Variants in RFX8 observed in about 807,000 individuals in gnomAD.
The protein encoded by RFX8 is DNA-binding protein RFX8.
A neutral mutation model predicts 54.6 loss-of-function variants in RFX8; 46 were observed. The observed-to-expected ratio is 0.84, with a 90% CI of 0.67 to 1.08. The LOEUF is 1.08. Among genes scored for constraint, RFX8 ranks in the 50% least tolerant of loss-of-function variants. The pLI is 0.00. For synonymous variants in RFX8, 192 were observed against 209.5 expected, an observed-to-expected ratio of 0.92 and a Z score of 0.72; for missense variants, 536 against 562.3, an observed-to-expected ratio of 0.95 and a Z score of 0.47.
At chr2:101,414,066 C>T (rs561280986) in intron 7 of RFX8, among the ~76,000 whole-genome samples, 6 of 152,136 alleles carry the variant, frequency 3.9e-5, no homozygotes, top group Admixed American at 2.0e-4. Flanking sequence ...TTTCTTCAGC[C>T]CTTCTCAACC....
At chr2:101,427,133 C>T (rs1687220488) in intron 2 of RFX8, among the ~76,000 whole-genome samples, 2 of 152,140 alleles carry the variant, frequency 1.3e-5, no homozygotes, top group Non-Finnish European at 2.9e-5. Flanking sequence ...CCAGTGACCC[C>T]TTCCAGGACT....
chr2:101,454,579 G>T (rs888196307), intron 2 of RFX8, among the ~76,000 whole-genome samples: 3 of 152,128 alleles, frequency 2.0e-5, no homozygotes, highest in Non-Finnish European at 4.4e-5. Context: ...ACTTTTTAAT[G>T]ATCGTTATTC....
At chr2:101,474,434 G>C in intron 1 of RFX8, 1 of 366,278 alleles carries the variant, frequency 2.7e-6, no homozygotes, top group Non-Finnish European at 4.9e-6. Flanking sequence ...CAGTCCTCCA[G>C]GCCCGAGCCC....
chr2:101,430,909 G>T (rs1174188428), intron 2 of RFX8, among the ~76,000 whole-genome samples: 4 of 152,132 alleles, frequency 2.6e-5, no homozygotes, highest in Non-Finnish European at 5.9e-5. Context: ...TCACAGAAAA[G>T]AAATTTAATC....
At chr2:101,450,534 G>C (rs948553823) in intron 2 of RFX8, 7 of 838,318 alleles carry the variant, frequency 8.4e-6, no homozygotes, top group Non-Finnish European at 1.9e-6. Flanking sequence ...GGCCTGAATG[G>C]TTCTAACATT....
At chr2:101,462,984 T>A (rs6705707) in intron 2 of RFX8, among the ~76,000 whole-genome samples, 52,506 of 152,080 alleles carry the variant, frequency 0.35, 9,739 homozygotes, top group African/African-American at 0.44. Flanking sequence ...GCAGTACTCA[T>A]GGCCCAAAGA....
chr2:101,459,461 C>G lies in RFX8; in HGVS notation c.72+7316G>C, dbSNP rs539085913. Among the ~76,000 whole-genome samples the G allele has an allele frequency of 4.6e-5, 7 of 152,330 alleles. No homozygotes were observed. The South Asian group carries it at 1.5e-3, about 32-fold the overall frequency. On this transcript the variant is annotated intron_variant, in intron 2 of 11. Coordinates refer to ENST00000428343, the MANE Select transcript of RFX8 (RefSeq NM_001145664.2). ...TTCTGTTTGTTAGTTTTCCTTCTAA[C>G]AGTCAGGCCCCTCAGCTGCAGGTCT...
At chr2:101,403,954 T>C (rs1013497383) in intron 10 of RFX8, among the ~76,000 whole-genome samples, 1 of 152,144 alleles carries the variant, frequency 6.6e-6, no homozygotes, top group Non-Finnish European at 1.5e-5. Context: ...CAGTGACAAA[T>C]AGATGCAAAA....
At chr2:101,416,555 TGTG>T (rs1686523121) in intron 6 of RFX8, among the ~76,000 whole-genome samples, 1 of 152,052 alleles carries the variant, frequency 6.6e-6, no homozygotes, top group South Asian at 2.1e-4. Context: ...CTCATAGAAA[TGTG>T]GGGAAATAAC....
rs192485602 is a variant in RFX8, at chr2:101,471,856, T to C, written c.-53+2780A>G. Among the ~76,000 whole-genome samples the C allele has an allele frequency of 2.4e-4, 37 of 152,350 alleles. No homozygotes were observed. The East Asian group carries it at 6.8e-3, about 28-fold the overall frequency. Reference sequence around the variant, plus strand: ...GTTGGGGTCCTAACAAGCGACTGATTAGAAGACAAAACAATGAAGTAATGT... The same window carrying C: ...GTTGGGGTCCTAACAAGCGACTGATCAGAAGACAAAACAATGAAGTAATGT... On this transcript the variant is annotated intron_variant, in intron 1 of 11. Coordinates refer to ENST00000428343, the MANE Select transcript of RFX8 (RefSeq NM_001145664.2).
At chr2:101,448,293 G>T (rs1459767136) in intron 2 of RFX8, among the ~76,000 whole-genome samples, 1 of 152,172 alleles carries the variant, frequency 6.6e-6, no homozygotes, top group Non-Finnish European at 1.5e-5. Context: ...CCACTGCCCA[G>T]CCTGGTAATC....
At chr2:101,441,714 T>G (rs192012361) in intron 2 of RFX8, among the ~76,000 whole-genome samples, 2 of 152,232 alleles carry the variant, frequency 1.3e-5, no homozygotes. Context: ...ACATAGCCAC[T>G]CCTGCTATCT....
chr2:101,453,053 A>C (rs1177177672), intron 2 of RFX8, among the ~76,000 whole-genome samples: 1 of 91,010 alleles, frequency 1.1e-5, no homozygotes, highest in Admixed American at 1.0e-4. Context: ...TGGAGGTTGC[A>C]GTGAGCCGAG....
At chr2:101,449,266 A>C (rs1266827861) in intron 2 of RFX8, among the ~76,000 whole-genome samples, 1 of 152,204 alleles carries the variant, frequency 6.6e-6, no homozygotes, top group Admixed American at 6.5e-5. Context: ...GGTAAGAACA[A>C]GCACTCACGT....
intron 2 of RFX8, among the ~76,000 whole-genome samples, chr2:101,451,530 A>T (rs1688678564): frequency 6.6e-6 from 1 of 151,968 alleles, no homozygotes; most frequent in Non-Finnish European, 1.5e-5. Context: ...TCTACTAAAA[A>T]TACAAAAAAT....
chr2:101,436,658 G>C (rs1305836791), intron 2 of RFX8, among the ~76,000 whole-genome samples: 1 of 152,144 alleles, frequency 6.6e-6, no homozygotes, highest in East Asian at 1.9e-4. Flanking sequence ...ACTCATCATA[G>C]GTTTGCTAGA....
chr2:101,416,417 G>A (rs983743561), intron 6 of RFX8, among the ~76,000 whole-genome samples: 1 of 152,184 alleles, frequency 6.6e-6, no homozygotes, highest in African/African-American at 2.4e-5. Context: ...GGTACCCAGT[G>A]TTAGTAGTGA....
Position 101,406,050 on chromosome 2 carries a change from C to T in RFX8, c.821G>A (p.Arg274Lys). The T allele has an allele frequency of 2.6e-6, 4 of 1,537,156 alleles. No homozygotes were observed. Among genetic ancestry groups the T allele is most frequent in the Non-Finnish European group, 3.5e-6 (4 of 1,139,556 alleles). Reference protein sequence around the residue: ...HLQAFVFQTSRSKEEFTKLAA... With the variant: ...HLQAFVFQTSKSKEEFTKLAA... ...CAATTTGGTAAACTCTTCTTTGCTT[C>T]TGCTTGTCTGTTAAGTTTTTGTGAG... Residue 274 changes from arginine to lysine, a missense_variant, in exon 10 of 12, where the codon AGA becomes AAA. Coordinates refer to ENST00000428343, the MANE Select transcript of RFX8 (RefSeq NM_001145664.2).
Position 101,412,994 on chromosome 2 carries a change from G to A in RFX8, c.639C>T (p.Gly213=), listed in dbSNP as rs1344234515. The change falls in exon 8 of 12, where the codon GGC becomes GGT. Residue 213 remains glycine, a synonymous_variant. Transcript: ENST00000428343. ...GGGCTTTCTTAGAAGTAGCCAAAGT[G>A]CCTTGATTGATGATGGCCTGTAGAT... The part of the protein sequence containing the change: ...KSDLQAIINQ[G]TLATSKKALA... 6.4e-7 allele frequency: 1 copy of A among 1,551,974 alleles called. No individual in the cohort carries two copies. The highest frequency in any genetic ancestry group is 1.4e-5 in the African/African-American group (1 of 73,166).
Sources: allele counts gnomAD v4.1 joint callset (sites outside exome capture counted in the v4.1 genomes callset), GRCh38; gene constraint gnomAD v4.1.1; transcripts MANE v1.5; gene names NCBI Gene and HGNC (gene_info 2026-07-23, HGNC 2026-07-21).